Variants in NCKAP5 observed in about 807,000 individuals in gnomAD.
NCKAP5 encodes the protein NCK associated protein 5, also known as nck-associated protein 5.
A neutral mutation model predicts 167.0 loss-of-function variants in NCKAP5; 92 were observed. That is an observed-to-expected ratio of 0.55 (90% CI 0.47 to 0.66). The LOEUF (loss-of-function observed/expected upper bound fraction) is 0.66. Among genes scored for constraint, NCKAP5 ranks in the 30% least tolerant of loss-of-function variants. NCKAP5 has a pLI of 0.00. For synonymous variants in NCKAP5, 891 were observed against 877.4 expected (o/e 1.02, Z -0.27); for missense variants, 2,378 against 2,315.0 (o/e 1.03, Z -0.56).
intron 5 of NCKAP5, among the ~76,000 whole-genome samples, chr2:133,193,178 T>C (rs1203789854): frequency 4.6e-5 from 7 of 152,110 alleles, no homozygotes; most frequent in African/African-American, 9.7e-5. Flanking sequence ...ATTCCATTTA[T>C]GTAACATTCT....
In NCKAP5 at chr2:132,878,888, T is replaced by A; in HGVS notation, c.608A>T (p.Asn203Ile). 6.2e-7 allele frequency: 1 copy of A among 1,613,838 alleles called. No individual in the cohort carries two copies. The highest frequency in any genetic ancestry group is 8.5e-7 in the Non-Finnish European group (1 of 1,179,726). The part of the protein sequence containing the change: ...EAENSALALE[N>I]ENQREQYERC... ...CTCATATTGTTCCCTTTGATTTTCA[T>A]TCTCCAAAGCCAACGCTGAATTCTC... The change falls in exon 9 of 20, where the codon AAT (asparagine) becomes ATT (isoleucine). Residue 203 changes from asparagine (N) to isoleucine (I), a missense_variant. Physicochemically the swap from Asn to Ile is moderately radical, Grantham distance 149. Coordinates refer to ENST00000409261, the MANE Select transcript of NCKAP5 (RefSeq NM_207363.3).
chr2:133,392,730 A>T (rs1687496050), intron 3 of NCKAP5, among the ~76,000 whole-genome samples: 1 of 152,184 alleles, frequency 6.6e-6, no homozygotes, highest in Non-Finnish European at 1.5e-5. Context: ...CATTTATCCA[A>T]GTCCATAGTT....
At chr2:132,819,682 T>C (rs924438297) in intron 11 of NCKAP5, among the ~76,000 whole-genome samples, 10 of 151,890 alleles carry the variant, frequency 6.6e-5, no homozygotes, top group Non-Finnish European at 1.2e-4. Flanking sequence ...TTTTTTTGGT[T>C]GAAGTCATTC....
intron 3 of NCKAP5, among the ~76,000 whole-genome samples, chr2:133,385,036 A>C (rs1283944688): frequency 6.6e-6 from 1 of 152,082 alleles, no homozygotes; most frequent in Non-Finnish European, 1.5e-5. Context: ...AATAGGCTTT[A>C]TTTCTTTCTC....
chr2:133,448,203 C>G (rs1691324175), intron 3 of NCKAP5, among the ~76,000 whole-genome samples: 1 of 151,628 alleles, frequency 6.6e-6, no homozygotes, highest in Non-Finnish European at 1.5e-5. Flanking sequence ...GATTTATTCT[C>G]CCCTTTGTCA....
chr2:132,686,953 G>C (rs955266683), intron 19 of NCKAP5, among the ~76,000 whole-genome samples: 2 of 152,064 alleles, frequency 1.3e-5, no homozygotes, highest in African/African-American at 2.4e-5. Context: ...CAGATTGCAA[G>C]GTTAGAGATT....
At chr2:132,938,898 T>C (rs1210741733) in intron 8 of NCKAP5, among the ~76,000 whole-genome samples, 3 of 152,042 alleles carry the variant, frequency 2.0e-5, no homozygotes, top group East Asian at 3.9e-4. Flanking sequence ...CCCCCGCCCA[T>C]TCATTCCCTC....
chr2:133,439,916 G>A (rs1046031884), intron 3 of NCKAP5, among the ~76,000 whole-genome samples: 17 of 152,190 alleles, frequency 1.1e-4, no homozygotes, highest in African/African-American at 4.1e-4. Flanking sequence ...TACTGGGACT[G>A]TCCAGGAGCA....
At chr2:133,549,057 A>G (rs1687023578) in intron 2 of NCKAP5, among the ~76,000 whole-genome samples, 1 of 151,510 alleles carries the variant, frequency 6.6e-6, no homozygotes. Flanking sequence ...ATGGAAAACA[A>G]AAAAAGGCAG....
At chr2:133,388,149 AT>A (rs1211446315) in intron 3 of NCKAP5, among the ~76,000 whole-genome samples, 7 of 150,564 alleles carry the variant, frequency 4.6e-5, no homozygotes, top group East Asian at 1.9e-4. Flanking sequence ...ATTTTCTGTT[AT>A]TTTTTTCCCC....
the NCKAP5 span, among the ~76,000 whole-genome samples, chr2:133,671,214 CAAAAAA>C: frequency 7.8e-4 from 42 of 53,988 alleles, no homozygotes; most frequent in African/African-American, 1.9e-3. Flanking sequence ...GACTCCGTCT[CAAAAAA>C]AAAAAAAAAA....
chr2:133,411,498 G>T (rs1688771754), intron 3 of NCKAP5, among the ~76,000 whole-genome samples: 1 of 152,198 alleles, frequency 6.6e-6, no homozygotes, highest in Non-Finnish European at 1.5e-5. Flanking sequence ...CGTACACAAG[G>T]ATAAATACAC....
intron 6 of NCKAP5, among the ~76,000 whole-genome samples, chr2:133,072,360 T>C (rs2080443795): frequency 2.0e-5 from 3 of 152,228 alleles, no homozygotes; most frequent in South Asian, 4.2e-4. Flanking sequence ...CCTCCCTTCA[T>C]TTCCTCCAAC....
intron 4 of NCKAP5, among the ~76,000 whole-genome samples, chr2:133,269,244 A>AT (rs2089398994): frequency 6.6e-6 from 1 of 152,186 alleles, no homozygotes; most frequent in African/African-American, 2.4e-5. Context: ...TCAAACAAAA[A>AT]TTTTTTACCT....
chr2:133,550,729 T>G (rs547830652), intron 2 of NCKAP5, among the ~76,000 whole-genome samples: 1 of 130,386 alleles, frequency 7.7e-6, no homozygotes, highest in Non-Finnish European at 1.6e-5. Flanking sequence ...TTCAACATAG[T>G]GTTGGAAGTT....
intron 16 of NCKAP5, among the ~76,000 whole-genome samples, chr2:132,734,760 T>C (rs1691348345): frequency 6.6e-6 from 1 of 152,232 alleles, no homozygotes; most frequent in Non-Finnish European, 1.5e-5. Flanking sequence ...CAAGGTCATA[T>C]GCTGTAAATG....
chr2:132,752,155 C>G (rs148186406), intron 16 of NCKAP5, among the ~76,000 whole-genome samples: 56 of 152,352 alleles, frequency 3.7e-4, no homozygotes, highest in African/African-American at 1.3e-3. Flanking sequence ...CCAAATTTCT[C>G]TAATAGGTAC....
chr2:133,269,470 T>C (rs1033655289), intron 4 of NCKAP5, among the ~76,000 whole-genome samples: 1 of 152,120 alleles, frequency 6.6e-6, no homozygotes, highest in African/African-American at 2.4e-5. Flanking sequence ...AGGCAAGCCA[T>C]GCAAATATCT....
At chr2:133,329,839 T>C (rs1682707780) in intron 3 of NCKAP5, among the ~76,000 whole-genome samples, 1 of 152,060 alleles carries the variant, frequency 6.6e-6, no homozygotes, top group Non-Finnish European at 1.5e-5. Flanking sequence ...TCTGTTCAAC[T>C]TCATGAATTC....
Sources: gnomAD v4.1 joint callset for allele counts (sites outside exome capture counted in the v4.1 genomes callset) on GRCh38, gnomAD v4.1.1 for gene constraint, MANE v1.5 for transcripts, NCBI Gene and HGNC (gene_info 2026-07-23, HGNC 2026-07-21) for gene names.